The following DNAJC13 variants were observed in gnomAD, a reference collection of about 807,000 sequenced individuals.
DNAJC13 encodes the protein DnaJ heat shock protein family (Hsp40) member C13.
Under a neutral mutation model 290.5 loss-of-function variants are expected in DNAJC13, and 75 were observed. The observed-to-expected ratio is 0.26, with a 90% confidence interval of 0.21 to 0.31. DNAJC13 has a LOEUF of 0.31. Ranked by LOEUF, DNAJC13 falls within the 10% of genes least tolerant of loss-of-function variation. The probability of loss-of-function intolerance (pLI) is 1.00; values close to 1 mark genes in which losing one functional copy is unlikely to be tolerated. For synonymous variants in DNAJC13, 862 were observed against 892.0 expected, an observed-to-expected ratio of 0.97 and a Z score of 0.60; for missense variants, 2,260 against 2,674.5, an observed-to-expected ratio of 0.85 and a Z score of 3.42.
chr3:132,508,070 A>G (rs1935650911), intron 43 of DNAJC13, among the ~76,000 whole-genome samples: 2 of 152,210 alleles, frequency 1.3e-5, no homozygotes, highest in South Asian at 2.1e-4. Context: ...ATATATGGAA[A>G]GTTTTAATGA....
At chr3:132,441,771 G>A (rs939190057) in intron 2 of DNAJC13, among the ~76,000 whole-genome samples, 2 of 152,190 alleles carry the variant, frequency 1.3e-5, no homozygotes, top group Non-Finnish European at 2.9e-5. Flanking sequence ...CTGATTGATA[G>A]AAGCTAGTTA....
chr3:132,499,824 G>T lies in DNAJC13; in HGVS notation c.4416+16G>T, dbSNP rs1935356096. The T allele has an allele frequency of 6.2e-7, 1 of 1,609,604 alleles. No individual in the cohort carries two copies. Among genetic ancestry groups the T allele is most frequent in the Non-Finnish European group, 8.5e-7 (1 of 1,177,706 alleles). ...GTCAGTACAGGTGAGGCTAAAACCT[G>T]TGGTTCCAAGAAAATTGCACTAGTT... On this transcript the variant is annotated intron_variant, in intron 38 of 55. Transcript: ENST00000260818.
chr3:132,440,347 C>T (rs1330624914), intron 2 of DNAJC13, among the ~76,000 whole-genome samples: 1 of 152,228 alleles, frequency 6.6e-6, no homozygotes. Flanking sequence ...TCCCCACTCT[C>T]CGTTAGTCAA....
At chr3:132,422,356 C>T (rs1414279242) in intron 1 of DNAJC13, among the ~76,000 whole-genome samples, 1 of 152,024 alleles carries the variant, frequency 6.6e-6, no homozygotes, top group Non-Finnish European at 1.5e-5. Flanking sequence ...ACTTGAAAGT[C>T]GTATGGTGTG....
intron 48 of DNAJC13, among the ~76,000 whole-genome samples, chr3:132,518,386 C>T (rs1935986554): frequency 1.3e-5 from 2 of 152,190 alleles, no homozygotes; most frequent in South Asian, 4.1e-4. Flanking sequence ...AGGTCTGGCT[C>T]TGTTGCCCAG....
Position 132,538,389 on chromosome 3 carries a change from A to T in DNAJC13, c.*107A>T, listed in dbSNP as rs1010892818. 10 of 749,572 alleles carry T rather than the reference A, an allele frequency of 1.3e-5. No homozygotes were observed. Among genetic ancestry groups the T allele is most frequent in the Non-Finnish European group, 1.9e-5 (9 of 473,020 alleles). The allele number at this position is 749,572 out of a possible 1,614,324, so 46.4% of individuals were successfully genotyped here. A position where few individuals can be genotyped will look rare whatever the true frequency, so the allele number is the denominator to read the frequency against. ...ACTGCCTTTCTCCTGGTTTCATGAC[A>T]GTGTTATTCCTTTTTCTATAAATAT... On this transcript the variant is annotated 3_prime_UTR_variant, in exon 56 of 56. Transcript: ENST00000260818.
rs746662808 is a variant in DNAJC13, at chr3:132,511,259, C to A, written c.5293+15C>A. On this transcript the variant is annotated intron_variant, in intron 44 of 55. Coordinates refer to ENST00000260818, the MANE Select transcript of DNAJC13 (RefSeq NM_015268.4). ...ATACAATCCAGGTATGTGACTACAC[C>A]TTTGATCAATAAGACTCGTATAATA... 5.6e-6 allele frequency: 9 copies of A among 1,612,614 alleles called. No individual in the cohort carries two copies. The highest frequency in any genetic ancestry group is 7.6e-6 in the Non-Finnish European group (9 of 1,179,256).
At chr3:132,528,777 T>C (rs886516268) in intron 54 of DNAJC13, among the ~76,000 whole-genome samples, 23 of 147,724 alleles carry the variant, frequency 1.6e-4, no homozygotes, top group South Asian at 4.3e-4. Context: ...TTTTTTTTTT[T>C]CTTTGGTCGT....
At chr3:132,495,570 G>A (rs1302885299) in intron 35 of DNAJC13, among the ~76,000 whole-genome samples, 1 of 152,104 alleles carries the variant, frequency 6.6e-6, no homozygotes, top group African/African-American at 2.4e-5. Flanking sequence ...TCATATCACT[G>A]TAACTGAAGA....
intron 29 of DNAJC13, among the ~76,000 whole-genome samples, chr3:132,488,011 C>G (rs1201002820): frequency 2.6e-5 from 4 of 152,152 alleles, no homozygotes; most frequent in African/African-American, 9.7e-5. Context: ...GATTCTTGCA[C>G]AAGAAGCAAT....
chr3:132,481,769 C>A (rs1559889905), intron 26 of DNAJC13, among the ~76,000 whole-genome samples: 2 of 152,136 alleles, frequency 1.3e-5, no homozygotes, highest in Non-Finnish European at 2.9e-5. Flanking sequence ...CATTTTAATG[C>A]TTTGATCTCA....
chr3:132,420,979 A>G (rs1486847000), intron 1 of DNAJC13, among the ~76,000 whole-genome samples: 2 of 152,258 alleles, frequency 1.3e-5, no homozygotes, highest in Non-Finnish European at 2.9e-5. Flanking sequence ...TAGGAGCTTA[A>G]AAAGAACTGT....
At chr3:132,533,573 T>A (rs1453966563) in intron 55 of DNAJC13, among the ~76,000 whole-genome samples, 1 of 150,460 alleles carries the variant, frequency 6.6e-6, no homozygotes, top group Non-Finnish European at 1.5e-5. Context: ...TGACCTCAAA[T>A]GATCCACCCG....
chr3:132,528,976 A>G (rs922180891), intron 54 of DNAJC13, among the ~76,000 whole-genome samples: 1 of 152,136 alleles, frequency 6.6e-6, no homozygotes, highest in Non-Finnish European at 1.5e-5. Flanking sequence ...TGAAATTTAC[A>G]TAGCATAAAA....
At chr3:132,523,045 T>G in intron 49 of DNAJC13, 48 bp downstream of exon 49, 3 of 1,600,908 alleles carry the variant, frequency 1.9e-6, no homozygotes, top group Non-Finnish European at 2.6e-6. Context: ...ATAAAATCAC[T>G]GGGAAGGGCA....
intron 15 of DNAJC13, among the ~76,000 whole-genome samples, chr3:132,462,122 A>T (rs1028409363): frequency 1.3e-5 from 2 of 152,190 alleles, no homozygotes; most frequent in Non-Finnish European, 2.9e-5. Flanking sequence ...TTGTTATTTT[A>T]TACAGTACTA....
chr3:132,530,151 C>T (rs1290590479), intron 54 of DNAJC13, among the ~76,000 whole-genome samples: 2 of 152,090 alleles, frequency 1.3e-5, no homozygotes, highest in African/African-American at 4.8e-5. Context: ...GGAGCAGGTG[C>T]CCCCCTCCCT....
At chr3:132,496,383 G>T in intron 35 of DNAJC13, 145 bp from the exon 36 acceptor site, 5 of 719,574 alleles carry the variant, frequency 6.9e-6, no homozygotes, top group Non-Finnish European at 1.0e-5. Context: ...CAGTATACCA[G>T]CTAGATTACA....
chr3:132,442,926 A>G (rs1215496009), intron 2 of DNAJC13, among the ~76,000 whole-genome samples: 1 of 152,208 alleles, frequency 6.6e-6, no homozygotes, highest in Non-Finnish European at 1.5e-5. Flanking sequence ...GCTGTCTGAC[A>G]TTCTGCTTTA....
Sources: gnomAD v4.1 joint callset for allele counts (sites outside exome capture counted in the v4.1 genomes callset) on GRCh38, gnomAD v4.1.1 for gene constraint, MANE v1.5 for transcripts, NCBI Gene and HGNC (gene_info 2026-07-23, HGNC 2026-07-21) for gene names.